SYT1: variants seen among roughly 807,000 people sequenced by gnomAD.
The protein encoded by SYT1 is synaptotagmin-1.
SYT1 carries 8 observed loss-of-function variants against 44.8 expected under a neutral mutation model. That is an observed-to-expected ratio of 0.18 (90% CI 0.10 to 0.32). SYT1 has a LOEUF of 0.32. SYT1 is among the 10% of genes least tolerant of loss of function. The pLI, the probability that SYT1 is intolerant of heterozygous loss-of-function variation, is 1.00. For synonymous variants in SYT1, 154 were observed against 188.8 expected, an observed-to-expected ratio of 0.82 and a Z score of 1.51; for missense variants, 286 against 509.3, an observed-to-expected ratio of 0.56 and a Z score of 4.22.
intron 1 of SYT1, among the ~76,000 whole-genome samples, chr12:78,873,163 A>G (rs1873906103): frequency 6.6e-6 from 1 of 151,784 alleles, no homozygotes; most frequent in African/African-American, 2.4e-5. Context: ...AAGGAGACTC[A>G]AGTGTTGTTA....
At chr12:79,285,500 A>G (rs1227317125) in intron 4 of SYT1, among the ~76,000 whole-genome samples, 1 of 152,214 alleles carries the variant, frequency 6.6e-6, no homozygotes, top group East Asian at 1.9e-4. Flanking sequence ...CTTGGCTCTG[A>G]ATGAGTGAAG....
chr12:79,273,883 A>G (rs867879120), intron 4 of SYT1, among the ~76,000 whole-genome samples: 1 of 152,176 alleles, frequency 6.6e-6, no homozygotes, highest in South Asian at 2.1e-4. Context: ...CAAGAGATGG[A>G]GACCATCCTG....
At position 79,365,049 on chromosome 12, in the gene SYT1, A is replaced by G. The variant is rs139432187; in HGVS notation, c.928+11430A>G. On this transcript the variant is annotated intron_variant, in intron 9 of 10. Coordinates refer to ENST00000261205, the MANE Select transcript of SYT1 (RefSeq NM_005639.3). ...CCACAACCCCACCACTTCTTTTCAT[A>G]CATAAGTAAAAAAGTAACTCAAATC... Among the ~76,000 whole-genome samples the G allele has an allele frequency of 4.4e-3, 668 of 152,258 alleles. 4 individuals carry two copies. The highest frequency in any genetic ancestry group is 0.014 in the African/African-American group (598 of 41,568).
intron 9 of SYT1, among the ~76,000 whole-genome samples, chr12:79,408,573 G>A (rs1454584241): frequency 6.6e-6 from 1 of 152,068 alleles, no homozygotes; most frequent in Admixed American, 6.6e-5. Flanking sequence ...TTTACAAAGG[G>A]TTCAGTAAGA....
chr12:78,957,901 G>A (rs1354959736), intron 1 of SYT1, among the ~76,000 whole-genome samples: 5 of 152,054 alleles, frequency 3.3e-5, no homozygotes, highest in Non-Finnish European at 7.4e-5. Flanking sequence ...AAAATCAGTT[G>A]ACCCAATCTG....
rs569639467 is a variant in SYT1 at position 78,914,981 on chromosome 12, G to A, written c.-217+49872G>A. On this transcript the variant is annotated intron_variant, in intron 1 of 10. Coordinates refer to ENST00000261205, the MANE Select transcript of SYT1 (RefSeq NM_005639.3). ...GACTTCTCACAGGTGGTGAAAGTGGGCATCTTAGAGGAAGTGTCTTCTGAG... is the reference window on the plus strand; with the variant it reads ...GACTTCTCACAGGTGGTGAAAGTGGACATCTTAGAGGAAGTGTCTTCTGAG... Among the ~76,000 whole-genome samples the A allele has an allele frequency of 2.4e-4, 36 of 152,124 alleles. 1 individual carries two copies. In the South Asian group the frequency reaches 4.6e-3, roughly 19 times the overall value.
chr12:79,242,186 G>A lies in SYT1; in HGVS notation c.166+24501G>A, dbSNP rs139589813. Among the ~76,000 whole-genome samples the A allele has an allele frequency of 5.3e-5, 8 of 152,280 alleles. No homozygotes were observed. In the East Asian group the frequency reaches 5.8e-4, roughly 11 times the overall value. The stretch of plus-strand genomic sequence containing the variant: ...GTCATAGGAAACAAATATAATGGAC[G>A]AGCTGCATGTGGATCACCTGGGTCC... On this transcript the variant is annotated intron_variant, in intron 4 of 10. Transcript: ENST00000261205.
chr12:79,433,787 A>G (rs974106136), intron 9 of SYT1, among the ~76,000 whole-genome samples: 1 of 152,234 alleles, frequency 6.6e-6, no homozygotes, highest in East Asian at 1.9e-4. Context: ...TGAATTATAC[A>G]TGAAGAATTT....
intron 9 of SYT1, among the ~76,000 whole-genome samples, chr12:79,387,162 T>C (rs983333539): frequency 2.0e-5 from 3 of 152,196 alleles, no homozygotes; most frequent in Non-Finnish European, 2.9e-5. Context: ...TACCCTCTCT[T>C]ACCCACCTTG....
intron 4 of SYT1, among the ~76,000 whole-genome samples, chr12:79,222,042 T>C (rs1398922642): frequency 6.6e-6 from 1 of 152,208 alleles, no homozygotes; most frequent in Non-Finnish European, 1.5e-5. Flanking sequence ...CTCTCCTTTA[T>C]TTCTGAAAGA....
intron 3 of SYT1, among the ~76,000 whole-genome samples, chr12:79,081,477 A>G (rs1877028749): frequency 6.6e-6 from 1 of 151,022 alleles, no homozygotes; most frequent in Non-Finnish European, 1.5e-5. Flanking sequence ...TCTCCTGGTT[A>G]ATCTGATTCT....
intron 9 of SYT1, among the ~76,000 whole-genome samples, chr12:79,412,448 C>G (rs759045926): frequency 4.6e-5 from 7 of 152,072 alleles, no homozygotes; most frequent in Non-Finnish European, 7.4e-5. Context: ...TCAGGTTTTT[C>G]TATGTATTGG....
At chr12:78,896,195 C>A (rs916370816) in intron 1 of SYT1, among the ~76,000 whole-genome samples, 3 of 151,624 alleles carry the variant, frequency 2.0e-5, no homozygotes, top group Non-Finnish European at 3.0e-5. Flanking sequence ...ATTATTCTTT[C>A]CTACTAATTT....
chr12:79,325,865 C>G (rs955253565), intron 8 of SYT1, among the ~76,000 whole-genome samples: 2 of 152,098 alleles, frequency 1.3e-5, no homozygotes, highest in African/African-American at 4.8e-5. Flanking sequence ...GCAAAAACAC[C>G]CAAAACTAAC....
chr12:79,328,802 C>T (rs931055707), intron 8 of SYT1, among the ~76,000 whole-genome samples: 6 of 149,740 alleles, frequency 4.0e-5, no homozygotes, highest in South Asian at 4.2e-4. Flanking sequence ...GCCAAGATCA[C>T]GCCATAGCAC....
At chr12:79,103,713 A>T (rs1258374264) in intron 3 of SYT1, among the ~76,000 whole-genome samples, 3 of 151,508 alleles carry the variant, frequency 2.0e-5, no homozygotes, top group African/African-American at 4.9e-5. Flanking sequence ...GTGACCTCTT[A>T]GTGTCCAACT....
chr12:79,380,279 G>A lies in SYT1; in HGVS notation c.928+26660G>A, dbSNP rs568605645. Among the ~76,000 whole-genome samples, 32 of 152,296 alleles carry A rather than the reference G, an allele frequency of 2.1e-4. No individual in the cohort carries two copies. The South Asian group carries it at 6.6e-3, about 32-fold the overall frequency. On this transcript the variant is annotated intron_variant, in intron 9 of 10. Transcript: ENST00000261205. ...CATGCTCTGAAAAACAAGTCCCAGA[G>A]TTTAGAGAGACTCTGACAAAGATGC...
chr12:79,009,024 A>C (rs1871259832), intron 2 of SYT1, among the ~76,000 whole-genome samples: 2 of 152,220 alleles, frequency 1.3e-5, no homozygotes, highest in Admixed American at 1.3e-4. Context: ...ATTACTTGGA[A>C]CATGATTGTT....
At chr12:79,330,906 T>C (rs948029695) in intron 8 of SYT1, among the ~76,000 whole-genome samples, 2 of 152,306 alleles carry the variant, frequency 1.3e-5, no homozygotes, top group East Asian at 1.9e-4. Context: ...GTCTTAATTA[T>C]GGCACTCACT....
Sources: gnomAD v4.1 joint callset for allele counts (sites outside exome capture counted in the v4.1 genomes callset) on GRCh38, gnomAD v4.1.1 for gene constraint, MANE v1.5 for transcripts, NCBI Gene and HGNC (gene_info 2026-07-23, HGNC 2026-07-21) for gene names.